CNTNAP5: variants seen among roughly 807,000 people sequenced by gnomAD.
The protein encoded by CNTNAP5 is contactin-associated protein-like 5.
A neutral mutation model predicts 150.2 loss-of-function variants in CNTNAP5; 72 were observed. The observed-to-expected ratio is 0.48, with a 90% CI of 0.40 to 0.58. The LOEUF is 0.58. Among genes scored for constraint, CNTNAP5 ranks in the 20% least tolerant of loss-of-function variants. The pLI, the probability that CNTNAP5 is intolerant of heterozygous loss-of-function variation, is 0.00. For synonymous variants in CNTNAP5, 672 were observed against 619.8 expected (o/e 1.08, Z -1.25); for missense variants, 1,636 against 1,626.2 (o/e 1.01, Z -0.10).
intron 6 of CNTNAP5, among the ~76,000 whole-genome samples, chr2:124,458,184 G>T (rs779477878): frequency 8.4e-6 from 1 of 119,070 alleles, no homozygotes; most frequent in Non-Finnish European, 1.8e-5. Context: ...CAATCAATTA[G>T]TGGATAAAGA....
chr2:124,247,042 G>T (rs1687047737), intron 3 of CNTNAP5, among the ~76,000 whole-genome samples: 1 of 152,032 alleles, frequency 6.6e-6, no homozygotes, highest in African/African-American at 2.4e-5. Context: ...TCACACAGAG[G>T]TCAATTCAAG....
At chr2:124,243,104 A>G (rs991305651) in intron 3 of CNTNAP5, among the ~76,000 whole-genome samples, 15 of 152,290 alleles carry the variant, frequency 9.8e-5, no homozygotes, top group African/African-American at 3.6e-4. Flanking sequence ...TTAATGGAGG[A>G]AAAGGTGGAG....
intron 21 of CNTNAP5, among the ~76,000 whole-genome samples, chr2:124,875,698 G>GTTTTT (rs5834090): frequency 7.9e-6 from 1 of 126,782 alleles, no homozygotes; most frequent in Non-Finnish European, 1.7e-5. Context: ...AACCATGAGG[G>GTTTTT]TTTTTTTTTT....
At chr2:124,221,940 G>A in intron 2 of CNTNAP5, 131 bp downstream of exon 2, 1 of 637,016 alleles carries the variant, frequency 1.6e-6, no homozygotes, top group South Asian at 1.9e-5. Context: ...TTTACGAGGA[G>A]AGGAGTGAAA....
At chr2:124,482,360 G>A (rs1693780111) in intron 7 of CNTNAP5, among the ~76,000 whole-genome samples, 2 of 152,088 alleles carry the variant, frequency 1.3e-5, no homozygotes, top group African/African-American at 2.4e-5. Context: ...ATATACTCAG[G>A]ATTAGGGAAA....
chr2:124,236,815 CA>C (rs1260041074), intron 2 of CNTNAP5, among the ~76,000 whole-genome samples: 1 of 151,904 alleles, frequency 6.6e-6, no homozygotes, highest in African/African-American at 2.4e-5. Context: ...AAAAAATGGT[CA>C]GGCTGTATTT....
At chr2:124,620,123 TGGAAAATAA>T (rs1343437788) in intron 12 of CNTNAP5, among the ~76,000 whole-genome samples, 2 of 151,920 alleles carry the variant, frequency 1.3e-5, no homozygotes, top group African/African-American at 4.8e-5. Flanking sequence ...AGCTCCTTGT[TGGAAAATAA>T]GGAACAGGGT....
chr2:124,523,553 G>T (rs2104885929), intron 8 of CNTNAP5, among the ~76,000 whole-genome samples: 1 of 152,306 alleles, frequency 6.6e-6, no homozygotes, highest in African/African-American at 2.4e-5. Flanking sequence ...GTACAGCAAA[G>T]ACAGCTGGAG....
chr2:124,328,367 C>T (rs374433994), intron 3 of CNTNAP5, among the ~76,000 whole-genome samples: 4 of 152,280 alleles, frequency 2.6e-5, no homozygotes, highest in Non-Finnish European at 5.9e-5. Context: ...ACCTTGCTCA[C>T]ATTATAGGCA....
At chr2:124,719,792 C>T (rs1022454426) in intron 13 of CNTNAP5, among the ~76,000 whole-genome samples, 6 of 152,042 alleles carry the variant, frequency 3.9e-5, no homozygotes, top group Non-Finnish European at 7.4e-5. Flanking sequence ...TTTAATAAGG[C>T]CAAATGCCTC....
At chr2:124,166,966 C>T (rs1248040312) in intron 1 of CNTNAP5, among the ~76,000 whole-genome samples, 1 of 152,094 alleles carries the variant, frequency 6.6e-6, no homozygotes, top group Non-Finnish European at 1.5e-5. Context: ...CACCCCTTCC[C>T]TTTTTTTCTT....
intron 1 of CNTNAP5, among the ~76,000 whole-genome samples, chr2:124,164,876 G>C (rs1315960934): frequency 6.6e-6 from 1 of 152,092 alleles, no homozygotes; most frequent in Non-Finnish European, 1.5e-5. Context: ...ATCAGGTTTT[G>C]TCTTAAGCTA....
At chr2:124,558,351 A>T (rs1488526792) in intron 10 of CNTNAP5, among the ~76,000 whole-genome samples, 1 of 152,082 alleles carries the variant, frequency 6.6e-6, no homozygotes, top group Non-Finnish European at 1.5e-5. Context: ...ACTAGTAAGG[A>T]GGGTGTTGAC....
At chr2:124,035,951 T>C (rs1225318265) in intron 1 of CNTNAP5, among the ~76,000 whole-genome samples, 1 of 119,302 alleles carries the variant, frequency 8.4e-6, no homozygotes, top group African/African-American at 3.2e-5. Context: ...GGAGTCTCGC[T>C]CTGTCGCCCA....
At chr2:124,530,180 CAT>C (rs980654786) in intron 10 of CNTNAP5, among the ~76,000 whole-genome samples, 1 of 152,086 alleles carries the variant, frequency 6.6e-6, no homozygotes, top group African/African-American at 2.4e-5. Context: ...TGTGGTGACA[CAT>C]GTCTGTAATC....
At chr2:124,824,861 T>C (rs992183643) in intron 19 of CNTNAP5, among the ~76,000 whole-genome samples, 4 of 152,220 alleles carry the variant, frequency 2.6e-5, no homozygotes, top group Admixed American at 2.0e-4. Context: ...ATTTATTAAT[T>C]TATACACGTT....
intron 10 of CNTNAP5, among the ~76,000 whole-genome samples, chr2:124,553,081 T>C (rs560059153): frequency 6.6e-6 from 1 of 152,238 alleles, no homozygotes; most frequent in Admixed American, 6.5e-5. Context: ...AAAGCAGATA[T>C]ATAAGTTAAG....
chr2:124,366,641 A>T (rs1333604741), intron 3 of CNTNAP5, among the ~76,000 whole-genome samples: 1 of 152,108 alleles, frequency 6.6e-6, no homozygotes, highest in Non-Finnish European at 1.5e-5. Flanking sequence ...CTACCCCTCC[A>T]GGTGTTATTT....
At chr2:124,393,795 T>G (rs1358045384) in intron 3 of CNTNAP5, among the ~76,000 whole-genome samples, 2 of 152,202 alleles carry the variant, frequency 1.3e-5, no homozygotes, top group Non-Finnish European at 2.9e-5. Context: ...AGGCTGCACC[T>G]CACCTGAACA....
Sources: gnomAD v4.1 joint callset for allele counts (sites outside exome capture counted in the v4.1 genomes callset) on GRCh38, gnomAD v4.1.1 for gene constraint, MANE v1.5 for transcripts, NCBI Gene and HGNC (gene_info 2026-07-23, HGNC 2026-07-21) for gene names.